The following CCDC63 variants were observed in gnomAD, a reference collection of about 807,000 sequenced individuals.
The protein encoded by CCDC63 is coiled-coil domain containing 63.
A neutral mutation model predicts 63.6 loss-of-function variants in CCDC63; 54 were observed. That is an observed-to-expected ratio of 0.85 (90% CI 0.68 to 1.07). CCDC63 has a LOEUF of 1.07. Among genes scored for constraint, CCDC63 ranks in the 50% least tolerant of loss-of-function variants. The pLI is 0.00. For synonymous variants in CCDC63, 253 were observed against 266.1 expected, an observed-to-expected ratio of 0.95 and a Z score of 0.48; for missense variants, 637 against 689.6, an observed-to-expected ratio of 0.92 and a Z score of 0.86.
At position 110,899,015 on chromosome 12, in the gene CCDC63, A is replaced by C. The variant is rs750233913; in HGVS notation, c.1232A>C (p.Lys411Thr). ...GEVSKTLDLL[K>T]NSVEKLFKKI... ...GTCAGCAAGACCTTGGATCTATTGA[A>C]GAACTCAGTGGAGAAACTGTTCAAG... The change falls in exon 10 of 12, where the codon AAG (lysine) becomes ACG (threonine). Residue 411 changes from lysine to threonine, a missense_variant. By Grantham distance (78) the Lys-to-Thr change is moderately conservative (BLOSUM62 -1). Coordinates refer to ENST00000308208, the MANE Select transcript of CCDC63 (RefSeq NM_152591.3). 6.2e-7 allele frequency: 1 copy of C among 1,613,914 alleles called. No individual in the cohort carries two copies. Among genetic ancestry groups the C allele is most frequent in the Admixed American group, 1.7e-5 (1 of 59,976 alleles).
chr12:110,881,356 T>C (rs956367254), intron 7 of CCDC63, 60 bp downstream of exon 7: 1 of 1,517,420 alleles, frequency 6.6e-7, no homozygotes, highest in Non-Finnish European at 8.9e-7. Flanking sequence ...TCTTTCTCTC[T>C]TTCTCTCTTT....
At chr12:110,893,400 C>G (rs1178894754) in intron 9 of CCDC63, among the ~76,000 whole-genome samples, 4 of 152,218 alleles carry the variant, frequency 2.6e-5, no homozygotes, top group Non-Finnish European at 5.9e-5. Context: ...CCCCCACCCC[C>G]CTTTTCAGGG....
intron 10 of CCDC63, among the ~76,000 whole-genome samples, chr12:110,902,186 G>A (rs1332683076): frequency 1.3e-5 from 2 of 152,134 alleles, no homozygotes; most frequent in Admixed American, 6.6e-5. Flanking sequence ...ATGGTGTTGG[G>A]AATCCTGCTG....
chr12:110,872,120 G>T (rs753082043), intron 4 of CCDC63, among the ~76,000 whole-genome samples: 151 of 152,172 alleles, frequency 9.9e-4, no homozygotes, highest in Non-Finnish European at 1.9e-3. Flanking sequence ...GACTTACCTA[G>T]AACAGGGCCA....
chr12:110,887,814 GTCTCA>G (rs1343872134), intron 8 of CCDC63, among the ~76,000 whole-genome samples: 1 of 151,856 alleles, frequency 6.6e-6, no homozygotes, highest in South Asian at 2.1e-4. Context: ...GGCCAGGATG[GTCTCA>G]TCTCTTGACC....
chr12:110,895,457 C>T (rs1286733736), intron 9 of CCDC63, among the ~76,000 whole-genome samples: 3 of 152,142 alleles, frequency 2.0e-5, no homozygotes, highest in Admixed American at 6.5e-5. Flanking sequence ...TGTTTCCTAC[C>T]CCCTGCTAAA....
Position 110,889,391 on chromosome 12 carries a change from G to A in CCDC63, c.1075-3685G>A, listed in dbSNP as rs190451254. Among the ~76,000 whole-genome samples the A allele has an allele frequency of 9.5e-4, 144 of 152,294 alleles. 2 individuals are homozygous for A. The highest frequency in any genetic ancestry group is 9.2e-3 in the Admixed American group (140 of 15,284). On this transcript the variant is annotated intron_variant, in intron 8 of 11. Transcript: ENST00000308208. The surrounding 1 kb of genome is among the most constrained non-coding windows in gnomAD (Gnocchi z 4.1). Reference sequence around the variant, plus strand: ...GCAGTGTGGGTAAAAAGATGAAGTCGCACAGCGTAAGACGGGTTTTGGAGC... The same window carrying A: ...GCAGTGTGGGTAAAAAGATGAAGTCACACAGCGTAAGACGGGTTTTGGAGC...
intron 10 of CCDC63, among the ~76,000 whole-genome samples, chr12:110,901,813 C>G (rs1290494535): frequency 2.6e-5 from 4 of 151,188 alleles, no homozygotes; most frequent in Non-Finnish European, 1.5e-5. Context: ...TTTTCTTTCT[C>G]CTTCCTTCCT....
chr12:110,858,916 T>C, intron 4 of CCDC63, 141 bp downstream of exon 4: 1 of 665,768 alleles, frequency 1.5e-6, no homozygotes, highest in Non-Finnish European at 2.5e-6. Flanking sequence ...ATGTGACTGC[T>C]GCTATCGTCT....
chr12:110,853,263 C>T, intron 2 of CCDC63, 142 bp from the exon 3 acceptor site: 1 of 812,414 alleles, frequency 1.2e-6, no homozygotes, highest in South Asian at 1.8e-5. Flanking sequence ...AATAGACAAG[C>T]AGCTGACATC....
chr12:110,907,535 AGCCTCGT>A (rs2071609949), downstream of CCDC63: 1 of 1,597,584 alleles, frequency 6.3e-7, no homozygotes, highest in Admixed American at 1.7e-5. This position sits in a 1 kb window ranked among gnomAD's most constrained non-coding sequence, Gnocchi z 4.4. Flanking sequence ...TTTGTTCTGT[AGCCTCGT>A]GCCTGTCACA....
intron 10 of CCDC63, among the ~76,000 whole-genome samples, chr12:110,903,124 G>A (rs967579207): frequency 2.6e-5 from 4 of 151,906 alleles, no homozygotes; most frequent in Admixed American, 2.0e-4. Flanking sequence ...TGATCTACCC[G>A]CCTTGGCTTC....
At chr12:110,894,118 T>G (rs1490862661) in intron 9 of CCDC63, among the ~76,000 whole-genome samples, 1 of 152,176 alleles carries the variant, frequency 6.6e-6, no homozygotes, top group African/African-American at 2.4e-5. Context: ...GTGACTTATA[T>G]TCCAAGGGCA....
At chr12:110,906,890 G>A (rs2071594752) in intron 11 of CCDC63, among the ~76,000 whole-genome samples, 1 of 152,206 alleles carries the variant, frequency 6.6e-6, no homozygotes, top group Non-Finnish European at 1.5e-5. Context: ...GAATGTTGAT[G>A]AACATTAGGT....
chr12:110,851,224 G>C (rs1229479267), intron 1 of CCDC63, among the ~76,000 whole-genome samples: 1 of 144,102 alleles, frequency 6.9e-6, no homozygotes, highest in Admixed American at 7.2e-5. Context: ...ACATTACCCA[G>C]AGGTATGTTC....
In CCDC63 at chr12:110,907,482, A is replaced by T; in HGVS notation, c.*6A>T. 1 of 1,614,140 alleles carries T rather than the reference A, an allele frequency of 6.2e-7. No homozygotes were observed. Among genetic ancestry groups the T allele is most frequent in the Non-Finnish European group, 8.5e-7 (1 of 1,179,978 alleles). On this transcript the variant is annotated 3_prime_UTR_variant, in exon 12 of 12. Coordinates refer to ENST00000308208, the MANE Select transcript of CCDC63 (RefSeq NM_152591.3). The surrounding 1 kb of genome is among the most constrained non-coding windows in gnomAD (Gnocchi z 4.4). ...GGAAGAAAGTAACCATGTGAGGTGC[A>T]TGCATGGGGCCACCTTTGCAACATA...
upstream of CCDC63, among the ~76,000 whole-genome samples, chr12:110,844,948 G>A (rs1487876672): frequency 6.6e-6 from 1 of 152,172 alleles, no homozygotes; most frequent in African/African-American, 2.4e-5. Flanking sequence ...TCTGCGGCTT[G>A]GCTCTAATTT....
chr12:110,902,266 C>A (rs926558110), intron 10 of CCDC63, among the ~76,000 whole-genome samples: 1 of 152,196 alleles, frequency 6.6e-6, no homozygotes, highest in African/African-American at 2.4e-5. Context: ...GAAAGCCTCA[C>A]CCTGCTGTGT....
intron 9 of CCDC63, among the ~76,000 whole-genome samples, chr12:110,894,432 G>T (rs1363973186): frequency 6.6e-6 from 1 of 152,092 alleles, no homozygotes; most frequent in Non-Finnish European, 1.5e-5. Flanking sequence ...CAAAGACCTG[G>T]CAACTGCCCT....
Sources: gnomAD v4.1 joint callset for allele counts (sites outside exome capture counted in the v4.1 genomes callset) on GRCh38, gnomAD v4.1.1 for gene constraint, Gnocchi (gnomAD v3.1) non-coding constraint, MANE v1.5 for transcripts, NCBI Gene and HGNC (gene_info 2026-07-23, HGNC 2026-07-21) for gene names.